Variants in SPATS2 observed in about 807,000 individuals in gnomAD.
The protein encoded by SPATS2 is spermatogenesis-associated serine-rich protein 2.
Under a neutral mutation model 63.7 loss-of-function variants are expected in SPATS2, and 38 were observed. The ratio of observed to expected loss-of-function variants is 0.60; its 90% CI spans 0.46 to 0.78. The LOEUF (loss-of-function observed/expected upper bound fraction) is 0.78. Among genes scored for constraint, SPATS2 ranks in the 30% least tolerant of loss-of-function variants. The pLI, the probability that SPATS2 is intolerant of heterozygous loss-of-function variation, is 0.00. For missense variants in SPATS2, 588 were observed against 666.2 expected (o/e 0.88, Z 1.29); for synonymous variants, 207 against 232.9 (o/e 0.89, Z 1.01).
In SPATS2 at chr12:49,460,844, G is replaced by A; in HGVS notation, c.-169G>A. 3.1e-6 allele frequency: 2 copies of A among 655,350 alleles called. No individual in the cohort carries two copies. The highest frequency in any genetic ancestry group is 5.5e-6 in the Non-Finnish European group (2 of 362,902). The allele number at this position is 655,350 out of a possible 1,614,324, so 40.6% of individuals were successfully genotyped here. A position where few individuals can be genotyped will look rare whatever the true frequency, so the allele number is the denominator to read the frequency against. ...AAGAAGTTGATACAAGAAAAGGAAA[G>A]GAGATTAACAGCTAGTGAGCAGAAT... On this transcript the variant is annotated 5_prime_UTR_variant, in exon 3 of 14. Transcript: ENST00000552918.
At chr12:49,409,668 T>C (rs1046951707) in intron 2 of SPATS2, among the ~76,000 whole-genome samples, 1 of 138,970 alleles carries the variant, frequency 7.2e-6, no homozygotes, top group Non-Finnish European at 1.5e-5. Flanking sequence ...TGTGGCGCAA[T>C]GTCAGCTAAC....
intron 2 of SPATS2, among the ~76,000 whole-genome samples, chr12:49,457,622 G>T (rs1163784509): frequency 6.6e-6 from 1 of 152,044 alleles, no homozygotes; most frequent in Non-Finnish European, 1.5e-5. Context: ...TAGTAGAGAT[G>T]GGGTTTCACC....
chr12:49,388,919 C>T (rs1944369174), intron 2 of SPATS2, among the ~76,000 whole-genome samples: 1 of 151,962 alleles, frequency 6.6e-6, no homozygotes, highest in South Asian at 2.1e-4. Flanking sequence ...GTCTTGAACT[C>T]CTGGTCTCAA....
At chr12:49,525,502 A>G (rs535113095) in intron 13 of SPATS2, among the ~76,000 whole-genome samples, 2 of 152,364 alleles carry the variant, frequency 1.3e-5, no homozygotes, top group African/African-American at 4.8e-5. Flanking sequence ...TGAATGCCAC[A>G]GCAGCATACT....
At chr12:49,384,831 C>T (rs896707874) in intron 2 of SPATS2, among the ~76,000 whole-genome samples, 9 of 150,656 alleles carry the variant, frequency 6.0e-5, no homozygotes, top group East Asian at 1.9e-4. Context: ...TTTTTTAAGA[C>T]GGCATTTCAC....
intron 4 of SPATS2, among the ~76,000 whole-genome samples, chr12:49,487,563 C>T (rs1470187444): frequency 6.6e-6 from 1 of 152,136 alleles, no homozygotes; most frequent in Non-Finnish European, 1.5e-5. Flanking sequence ...TTTAAAACGG[C>T]AAGCTTACAT....
chr12:49,444,646 C>T (rs992491748), intron 2 of SPATS2, among the ~76,000 whole-genome samples: 2 of 152,042 alleles, frequency 1.3e-5, no homozygotes, highest in African/African-American at 4.8e-5. Context: ...TCTAGTTGTC[C>T]AGGCTGGAGT....
At chr12:49,389,953 G>A in intron 2 of SPATS2, 1 of 804,662 alleles carries the variant, frequency 1.2e-6, no homozygotes, top group Non-Finnish European at 2.3e-6. Context: ...AAATATGGCA[G>A]CAGTAATGAA....
intron 2 of SPATS2, among the ~76,000 whole-genome samples, chr12:49,423,084 A>G (rs905181107): frequency 1.4e-4 from 21 of 150,572 alleles, no homozygotes; most frequent in African/African-American, 5.1e-4. Flanking sequence ...AGTCTTCCCT[A>G]TTTGGGGGAA....
intron 2 of SPATS2, among the ~76,000 whole-genome samples, chr12:49,436,221 G>A (rs1316507810): frequency 2.7e-4 from 39 of 145,420 alleles, no homozygotes; most frequent in African/African-American, 7.3e-4. Context: ...AGGGGCGGCC[G>A]GGCAGAGGCG....
chr12:49,458,116 A>G (rs1945751782), intron 2 of SPATS2, among the ~76,000 whole-genome samples: 1 of 152,150 alleles, frequency 6.6e-6, no homozygotes, highest in African/African-American at 2.4e-5. Flanking sequence ...TGCATTTTGT[A>G]AATGTTTTTC....
At chr12:49,413,014 C>CT (rs1273999858) in intron 2 of SPATS2, among the ~76,000 whole-genome samples, 4 of 151,792 alleles carry the variant, frequency 2.6e-5, no homozygotes, top group Non-Finnish European at 5.9e-5. Flanking sequence ...GAAAGGCAGG[C>CT]TAAGTTTGAA....
intron 2 of SPATS2, among the ~76,000 whole-genome samples, chr12:49,379,564 A>G (rs896589813): frequency 4.0e-5 from 6 of 150,480 alleles, no homozygotes; most frequent in East Asian, 2.0e-4. Context: ...AAAAAAAAAA[A>G]AAAAGAAAAC....
intron 2 of SPATS2, among the ~76,000 whole-genome samples, chr12:49,392,141 A>C (rs1240423439): frequency 6.6e-6 from 1 of 152,128 alleles, no homozygotes; most frequent in Non-Finnish European, 1.5e-5. Flanking sequence ...ACAGATAATT[A>C]GTTTTGTAAA....
chr12:49,479,091 C>T (rs1946164422), intron 3 of SPATS2, among the ~76,000 whole-genome samples: 1 of 152,220 alleles, frequency 6.6e-6, no homozygotes, highest in Non-Finnish European at 1.5e-5. Context: ...AGCAGGTTGT[C>T]CCTGTCCTCT....
intron 2 of SPATS2, chr12:49,387,169 G>A (rs1348960751): frequency 6.6e-6 from 1 of 152,202 alleles, no homozygotes; most frequent in Non-Finnish European, 1.5e-5. Context: ...CCACTTTAGG[G>A]CCCCAGAGGC....
chr12:49,400,192 T>C (rs1164092769), intron 2 of SPATS2, among the ~76,000 whole-genome samples: 1 of 152,102 alleles, frequency 6.6e-6, no homozygotes, highest in Non-Finnish European at 1.5e-5. Context: ...GTTGCAGATA[T>C]CTAAGTAAGA....
chr12:49,396,832 G>A (rs1944520732), intron 2 of SPATS2, among the ~76,000 whole-genome samples: 2 of 152,116 alleles, frequency 1.3e-5, no homozygotes, highest in Non-Finnish European at 2.9e-5. Context: ...AAACTCTTTT[G>A]TAACTCCTAG....
At chr12:49,435,761 C>G (rs1043033081) in intron 2 of SPATS2, among the ~76,000 whole-genome samples, 1 of 147,414 alleles carries the variant, frequency 6.8e-6, no homozygotes, top group African/African-American at 2.5e-5. Context: ...ACAAAGGTCT[C>G]TGGTTTTCCT....
Sources: gnomAD v4.1 joint callset for allele counts (sites outside exome capture counted in the v4.1 genomes callset) on GRCh38, gnomAD v4.1.1 for gene constraint, MANE v1.5 for transcripts, NCBI Gene and HGNC (gene_info 2026-07-23, HGNC 2026-07-21) for gene names.